The following HIPK2 variants were observed in gnomAD, a reference collection of about 807,000 sequenced individuals.
HIPK2 encodes the protein homeodomain interacting protein kinase 2, also known as homeodomain-interacting protein kinase 2.
In HIPK2, 27 loss-of-function variants were observed where a neutral mutation model predicts 113.7. That is an observed-to-expected ratio of 0.24 (90% confidence interval 0.17 to 0.33). HIPK2 has a LOEUF of 0.33. HIPK2 is among the 10% of genes least tolerant of loss of function. The pLI is 1.00. For synonymous variants in HIPK2, 631 were observed against 642.2 expected (o/e 0.98, Z 0.26); for missense variants, 1,257 against 1,588.0 (o/e 0.79, Z 3.54).
intron 2 of HIPK2, among the ~76,000 whole-genome samples, chr7:139,669,659 G>A (rs113547041): frequency 6.8e-6 from 1 of 147,604 alleles, no homozygotes; most frequent in Non-Finnish European, 1.5e-5. Context: ...TGGGCGGGTG[G>A]GGGGGACACA....
intron 2 of HIPK2, among the ~76,000 whole-genome samples, chr7:139,703,837 C>A (rs1372255773): frequency 7.8e-6 from 1 of 127,654 alleles, no homozygotes; most frequent in African/African-American, 3.1e-5. Context: ...ATACACCTCC[C>A]CCACACCCAC....
intron 2 of HIPK2, among the ~76,000 whole-genome samples, chr7:139,676,956 G>A (rs1019519236): frequency 3.3e-5 from 5 of 151,452 alleles, no homozygotes; most frequent in Admixed American, 2.0e-4. Flanking sequence ...CCGCCTCCTG[G>A]GTTCAAGTGA....
At chr7:139,700,544 G>A (rs1794678868) in intron 2 of HIPK2, among the ~76,000 whole-genome samples, 1 of 152,018 alleles carries the variant, frequency 6.6e-6, no homozygotes, top group Non-Finnish European at 1.5e-5. Flanking sequence ...CTTCTTAAAT[G>A]GGTATTTCCT....
At chr7:139,730,891 C>T (rs572911057) in intron 1 of HIPK2, among the ~76,000 whole-genome samples, 10 of 152,234 alleles carry the variant, frequency 6.6e-5, no homozygotes, top group African/African-American at 2.4e-4. Context: ...GGCCACACAT[C>T]GACAGAGGCA....
intron 1 of HIPK2, among the ~76,000 whole-genome samples, chr7:139,753,345 A>G (rs1428680486): frequency 6.6e-6 from 1 of 152,152 alleles, no homozygotes; most frequent in African/African-American, 2.4e-5. Context: ...TGAACTGGAG[A>G]TCAGAGGGGA....
intron 1 of HIPK2, among the ~76,000 whole-genome samples, chr7:139,758,760 G>T (rs1188375418): frequency 6.6e-6 from 1 of 152,114 alleles, no homozygotes; most frequent in Non-Finnish European, 1.5e-5. Flanking sequence ...CCCAGTCCAT[G>T]GAAAAATTGT....
At chr7:139,598,486 A>G (rs1387633099) in intron 11 of HIPK2, among the ~76,000 whole-genome samples, 3 of 152,148 alleles carry the variant, frequency 2.0e-5, no homozygotes, top group South Asian at 2.1e-4. Context: ...TTCACTACCA[A>G]TGGTTTTAGT....
intron 1 of HIPK2, among the ~76,000 whole-genome samples, chr7:139,732,102 G>T (rs1161545543): frequency 6.6e-6 from 1 of 152,196 alleles, no homozygotes; most frequent in Non-Finnish European, 1.5e-5. Flanking sequence ...AGCACACTAA[G>T]AATAATAAAG....
intron 1 of HIPK2, among the ~76,000 whole-genome samples, chr7:139,765,911 C>T (rs1209805821): frequency 6.6e-6 from 1 of 152,214 alleles, no homozygotes; most frequent in African/African-American, 2.4e-5. Flanking sequence ...TGGTCCATGC[C>T]TAACCTATGT....
intron 1 of HIPK2, among the ~76,000 whole-genome samples, chr7:139,731,454 A>C (rs1795779487): frequency 6.6e-6 from 1 of 152,240 alleles, no homozygotes; most frequent in South Asian, 2.1e-4. Flanking sequence ...TGACGTCCAC[A>C]GTTAAGAGGC....
chr7:139,668,403 TACAAAAA>T (rs1438268281), intron 2 of HIPK2, among the ~76,000 whole-genome samples: 1 of 151,604 alleles, frequency 6.6e-6, no homozygotes, highest in Non-Finnish European at 1.5e-5. Flanking sequence ...CTACTAAAAA[TACAAAAA>T]AATTAGCTGG....
At chr7:139,734,310 C>G (rs933660820) in intron 1 of HIPK2, among the ~76,000 whole-genome samples, 1 of 152,196 alleles carries the variant, frequency 6.6e-6, no homozygotes, top group African/African-American at 2.4e-5. Context: ...ACTAATCCCC[C>G]ACCTAATAAC....
intron 7 of HIPK2, among the ~76,000 whole-genome samples, chr7:139,618,408 C>A (rs1800128242): frequency 6.6e-6 from 1 of 152,014 alleles, no homozygotes; most frequent in South Asian, 2.1e-4. Flanking sequence ...TGTTCTTGGA[C>A]CCTTTGCTTT....
At chr7:139,584,643 G>C (rs1216031838) in intron 12 of HIPK2, among the ~76,000 whole-genome samples, 1 of 152,244 alleles carries the variant, frequency 6.6e-6, no homozygotes, top group Non-Finnish European at 1.5e-5. Flanking sequence ...ATGCTGCAGA[G>C]AACGCAGAGC....
chr7:139,701,895 G>A (rs1403882108), intron 2 of HIPK2, among the ~76,000 whole-genome samples: 4 of 152,148 alleles, frequency 2.6e-5, no homozygotes, highest in Non-Finnish European at 4.4e-5. Context: ...TGGAACGGAC[G>A]GTGAGCAGGT....
At chr7:139,637,194 C>T (rs1210462516) in intron 2 of HIPK2, among the ~76,000 whole-genome samples, 1 of 152,204 alleles carries the variant, frequency 6.6e-6, no homozygotes, top group Non-Finnish European at 1.5e-5. Flanking sequence ...TTCCACTTGT[C>T]TCTCCCTTCC....
chr7:139,726,019 A>C (rs1795565097), intron 1 of HIPK2, among the ~76,000 whole-genome samples: 1 of 152,228 alleles, frequency 6.6e-6, no homozygotes, highest in Non-Finnish European at 1.5e-5. Context: ...TACAGGACGC[A>C]CCTGACTATA....
At chr7:139,623,093 T>G (rs1800294294) in intron 6 of HIPK2, among the ~76,000 whole-genome samples, 1 of 152,214 alleles carries the variant, frequency 6.6e-6, no homozygotes, top group African/African-American at 2.4e-5. Context: ...TCATCCCATT[T>G]TACCCGTGAT....
chr7:139,736,814 A>G (rs149468780), intron 1 of HIPK2, among the ~76,000 whole-genome samples: 1 of 152,310 alleles, frequency 6.6e-6, no homozygotes, highest in Non-Finnish European at 1.5e-5. Context: ...TTAACAGAGA[A>G]TGTCCGAATG....
Sources: gnomAD v4.1 joint callset for allele counts (sites outside exome capture counted in the v4.1 genomes callset) on GRCh38, gnomAD v4.1.1 for gene constraint, MANE v1.5 for transcripts, NCBI Gene and HGNC (gene_info 2026-07-23, HGNC 2026-07-21) for gene names.